MCTS1: variants seen among roughly 807,000 people sequenced by gnomAD.
MCTS1 encodes the protein malignant T-cell-amplified sequence 1.
For missense variants in MCTS1, 55 were observed against 128.6 expected (o/e 0.43, Z 2.77); for synonymous variants, 26 against 40.8 (o/e 0.64, Z 1.38).
intron 1 of MCTS1, 197 bp downstream of exon 1, chrX:120,604,444 G>T: frequency 1.8e-6 from 1 of 564,895 alleles, no homozygotes; most frequent in South Asian, 4.1e-5. Context: ...CCTTAATTGG[G>T]TTTCAGTCCC....
chrX:120,616,075 CTT>C lies in MCTS1; in HGVS notation c.*3812_*3813del, dbSNP rs1926844101. 8.9e-6 allele frequency among the ~76,000 whole-genome samples: 1 copy of C among 112,602 alleles called. No individual in the cohort carries two copies. The highest frequency in any genetic ancestry group is 3.2e-5 in the African/African-American group (1 of 31,100). ...GTGTTTCATTATAATAAATATGTCA[CTT>C]ATTAATAATGTAGCAATTATATATT... On this transcript the variant is annotated 3_prime_UTR_variant, in exon 6 of 6. Transcript: ENST00000371317.
intron 4 of MCTS1, 110 bp downstream of exon 4, chrX:120,608,468 C>T: frequency 1.2e-6 from 1 of 847,144 alleles, no homozygotes; most frequent in Non-Finnish European, 1.6e-6. Context: ...TTGAAGGTTA[C>T]TGTTACTCTT....
chrX:120,612,311 T>TACA lies in MCTS1; in HGVS notation c.*47_*48insACA, dbSNP rs1389892278. ...GGCTAAATATGGATATTGTGCTGTATCTGTGTTTGTGTCTGTGTGTGACAG... is the reference window on the plus strand; with the variant it reads ...GGCTAAATATGGATATTGTGCTGTATACACTGTGTTTGTGTCTGTGTGTGACAG... On this transcript the variant is annotated 3_prime_UTR_variant, in exon 6 of 6. Transcript: ENST00000371317. The TACA allele has an allele frequency of 9.4e-6, 9 of 954,232 alleles. No homozygotes were observed. In the Middle Eastern group the frequency reaches 1.9e-3, roughly 197 times the overall value. The allele number at this position is 954,232 out of a possible 1,213,427, so 78.6% of individuals were successfully genotyped here.
Position 120,604,145 on chromosome X carries a change from T to C in MCTS1, c.-92T>C. 9.2e-7 allele frequency: 1 copy of C among 1,087,063 alleles called. No homozygotes were observed. The allele number at this position is 1,087,063 out of a possible 1,213,427, so 89.6% of individuals were successfully genotyped here. On this transcript the variant is annotated 5_prime_UTR_variant, in exon 1 of 6. Transcript: ENST00000371317. ...CAGCTCCGACTGTCAGTGCCGGCCT[T>C]CCTCGTGTGAGGGGATCTGCCGGAC...
intron 1 of MCTS1, 24 bp downstream of exon 1, chrX:120,604,271 T>A: frequency 8.4e-7 from 1 of 1,187,580 alleles, no homozygotes; most frequent in Non-Finnish European, 1.1e-6. Context: ...GTGGCCTCCA[T>A]CGGCTGCTCA....
rs1243677589 is a variant in MCTS1 at position 120,618,812 on chromosome X, C to T, written c.*6548C>T. On this transcript the variant is annotated 3_prime_UTR_variant, in exon 6 of 6. Transcript: ENST00000371317. Reference sequence around the variant, plus strand: ...TTTGTAAAGTGTCTGAAAAGGAGTCCACAAAGTATTTCTGCTTTCTTGCTC... The same window carrying T: ...TTTGTAAAGTGTCTGAAAAGGAGTCTACAAAGTATTTCTGCTTTCTTGCTC... Among the ~76,000 whole-genome samples, 1 of 112,048 alleles carries T rather than the reference C, an allele frequency of 8.9e-6. No individual in the cohort carries two copies. Among genetic ancestry groups the T allele is most frequent in the East Asian group, 2.8e-4 (1 of 3,607 alleles).
chrX:120,611,217 T>C (rs1926678457), intron 5 of MCTS1, 139 bp downstream of exon 5: 1 of 508,272 alleles, frequency 2.0e-6, no homozygotes, highest in African/African-American at 2.3e-5. Context: ...TTTCTGATAT[T>C]TCCTAACACT....
intron 1 of MCTS1, 108 bp downstream of exon 1, chrX:120,604,355 T>C (rs1370977498): frequency 1.9e-6 from 2 of 1,035,688 alleles, no homozygotes; most frequent in Non-Finnish European, 2.7e-6. Flanking sequence ...GCCCCTGCCA[T>C]CCTGACTCCC....
At chrX:120,604,931 T>A in intron 1 of MCTS1, 1 of 1,084,814 alleles carries the variant, frequency 9.2e-7, no homozygotes, top group Non-Finnish European at 1.2e-6. Context: ...ATTATTATCA[T>A]CACTTAAAAA....
intron 4 of MCTS1, 130 bp downstream of exon 4, chrX:120,608,488 C>G: frequency 1.4e-6 from 1 of 717,750 alleles, no homozygotes; most frequent in East Asian, 3.7e-5. Flanking sequence ...TATCTCATGC[C>G]TTTCTGGTTA....
intron 4 of MCTS1, 82 bp downstream of exon 4, chrX:120,608,440 A>T: frequency 1.0e-6 from 1 of 985,635 alleles, no homozygotes; most frequent in East Asian, 3.3e-5. Context: ...CATCCAAGAG[A>T]ACATTAGATG....
In MCTS1 at chrX:120,617,446, C is replaced by T. The variant is rs890216670; in HGVS notation, c.*5182C>T. 8.9e-6 allele frequency among the ~76,000 whole-genome samples: 1 copy of T among 111,775 alleles called. No individual in the cohort carries two copies. Among genetic ancestry groups the T allele is most frequent in the Non-Finnish European group, 1.9e-5 (1 of 53,206 alleles). On this transcript the variant is annotated 3_prime_UTR_variant, in exon 6 of 6. Transcript: ENST00000371317. ...ACCTCAGGTGATGCACCCGCCTTGG[C>T]CTCCCAAAGTGCTGGGATTACAGGT...
rs951494249 is a variant in MCTS1, at chrX:120,617,096, A to G, written c.*4832A>G. Among the ~76,000 whole-genome samples the G allele has an allele frequency of 2.7e-5, 3 of 112,448 alleles. No individual in the cohort carries two copies. The highest frequency in any genetic ancestry group is 9.7e-5 in the African/African-American group (3 of 30,921). ...CAGGCTAACGTTCAAAATATGGCAG[A>G]CATCTTAATATCAATATATGCTAAA... On this transcript the variant is annotated 3_prime_UTR_variant, in exon 6 of 6. Coordinates refer to ENST00000371317, the MANE Select transcript of MCTS1 (RefSeq NM_014060.3).
intron 4 of MCTS1, among the ~76,000 whole-genome samples, chrX:120,609,263 A>G (rs1406039375): frequency 8.9e-6 from 1 of 111,800 alleles, no homozygotes; most frequent in Non-Finnish European, 1.9e-5. Context: ...TCTCACTGCA[A>G]CATCTGCCTC....
intron 1 of MCTS1, chrX:120,604,606 G>A: frequency 1.1e-5 from 10 of 899,088 alleles, no homozygotes; most frequent in Non-Finnish European, 1.4e-5. Flanking sequence ...TGCGCTCACT[G>A]CCATATGTTT....
intron 5 of MCTS1, 147 bp downstream of exon 5, chrX:120,611,225 A>T: frequency 4.2e-6 from 2 of 481,697 alleles, no homozygotes; most frequent in African/African-American, 2.4e-5. Context: ...ATTTCCTAAC[A>T]CTTAGGAAGC....
rs747195518 is a variant in MCTS1, at chrX:120,612,989, C to T, written c.*725C>T. Among the ~76,000 whole-genome samples the T allele has an allele frequency of 4.8e-4, 50 of 104,575 alleles. No individual in the cohort carries two copies. The highest frequency in any genetic ancestry group is 2.7e-3 in the Admixed American group (26 of 9,503). 90.8% of individuals were successfully genotyped at this position (104,575 alleles called of 115,157 possible). On this transcript the variant is annotated 3_prime_UTR_variant, in exon 6 of 6. Coordinates refer to ENST00000371317, the MANE Select transcript of MCTS1 (RefSeq NM_014060.3). ...TTGCCCAGGCTGGAGTGCAGTGGTACGATCTTGGCTCACTGTAACCTCCAC... is the reference window on the plus strand; with the variant it reads ...TTGCCCAGGCTGGAGTGCAGTGGTATGATCTTGGCTCACTGTAACCTCCAC...
At position 120,615,161 on chromosome X, in the gene MCTS1, G is replaced by A. The variant is rs1489030270; in HGVS notation, c.*2897G>A. On this transcript the variant is annotated 3_prime_UTR_variant, in exon 6 of 6. Transcript: ENST00000371317. ...GCAATTCAAAGAGATTAAACTAGCA[G>A]ATGTGTCAGCATCTTTAGATACTGT... 1.8e-5 allele frequency among the ~76,000 whole-genome samples: 2 copies of A among 112,446 alleles called. No homozygotes were observed. The highest frequency in any genetic ancestry group is 5.5e-4 in the East Asian group (2 of 3,616).
Position 120,612,720 on chromosome X carries a change from ATTGT to A in MCTS1, c.*459_*462del, listed in dbSNP as rs755739401. Among the ~76,000 whole-genome samples the A allele has an allele frequency of 1.0e-3, 105 of 100,276 alleles. No individual in the cohort carries two copies. The highest frequency in any genetic ancestry group is 3.9e-3 in the Admixed American group (35 of 9,081). 87.1% of individuals were successfully genotyped at this position (100,276 alleles called of 115,157 possible). Reference sequence around the variant, plus strand: ...GTGTGTGTGTGTGTGTGTTTTGTTGATTGTTTTTTTAAAAAAAACTTCAATGGAA... The same window carrying A: ...GTGTGTGTGTGTGTGTGTTTTGTTGATTTTTTAAAAAAAACTTCAATGGAA... On this transcript the variant is annotated 3_prime_UTR_variant, in exon 6 of 6. Coordinates refer to ENST00000371317, the MANE Select transcript of MCTS1 (RefSeq NM_014060.3).
Sources: gnomAD v4.1 joint callset for allele counts (sites outside exome capture counted in the v4.1 genomes callset) on GRCh38, gnomAD v4.1.1 for gene constraint, MANE v1.5 for transcripts, NCBI Gene and HGNC (gene_info 2026-07-23, HGNC 2026-07-21) for gene names.